Variants in NCOR2 observed in about 807,000 individuals in gnomAD.
NCOR2 encodes CTG repeat protein 26.
Under a neutral mutation model 262.9 loss-of-function variants are expected in NCOR2, and 81 were observed. That is an observed-to-expected ratio of 0.31 (90% CI 0.26 to 0.37). NCOR2 has a LOEUF of 0.37. Ranked by LOEUF, NCOR2 falls within the 10% of genes least tolerant of loss-of-function variation. The pLI is 1.00. For missense variants in NCOR2, 3,385 were observed against 3,621.4 expected (o/e 0.93, Z 1.68); for synonymous variants, 1,659 against 1,559.3 (o/e 1.06, Z -1.51).
In NCOR2 at chr12:124,419,111, C is replaced by G. The variant is rs116391487; in HGVS notation, c.1482+846G>C. Among the ~76,000 whole-genome samples, 413 of 152,194 alleles carry G rather than the reference C, an allele frequency of 2.7e-3. 2 individuals carry two copies. Among genetic ancestry groups the G allele is most frequent in the African/African-American group, 9.5e-3 (394 of 41,426 alleles). On this transcript the variant is annotated intron_variant, in intron 13 of 46. Coordinates refer to ENST00000405201, the Ensembl canonical transcript of NCOR2. Reference sequence around the variant, plus strand: ...AGCCCGGATGCAAAACAAATTCTCCCAAACACCGAGCGCCCAGGATCCCCC... The same window carrying G: ...AGCCCGGATGCAAAACAAATTCTCCGAAACACCGAGCGCCCAGGATCCCCC...
intron 3 of NCOR2, among the ~76,000 whole-genome samples, chr12:124,479,454 T>TACACACAC (rs144568176): frequency 1.0e-4 from 15 of 143,390 alleles, no homozygotes; most frequent in East Asian, 2.1e-4. Context: ...CACACACGCA[T>TACACACAC]ACACACACAC....
intron 13 of NCOR2, among the ~76,000 whole-genome samples, chr12:124,411,815 C>T (rs2042601567): frequency 6.6e-6 from 1 of 152,326 alleles, no homozygotes; most frequent in East Asian, 1.9e-4. Context: ...CTCAACCCAG[C>T]CTCCAGGCTC....
In NCOR2 at chr12:124,483,837, C is replaced by T. The variant is rs541734537; in HGVS notation, c.234-64G>A. The stretch of plus-strand genomic sequence containing the variant: ...GCGGCTCTGAGAACTCCCGAGGCCC[C>T]GACCACCCTCTGCGCCGAGCATCTA... On this transcript the variant is annotated intron_variant, in intron 2 of 46. Transcript: ENST00000405201. This position sits in a 1 kb window ranked among gnomAD's most constrained non-coding sequence, Gnocchi z 6.3. 1.1e-3 allele frequency: 1,559 copies of T among 1,459,512 alleles called. 11 individuals are homozygous for T. The African/African-American group carries it at 0.013, about 12-fold the overall frequency. 90.4% of individuals were successfully genotyped at this position (1,459,512 alleles called of 1,614,324 possible).
intron 13 of NCOR2, among the ~76,000 whole-genome samples, chr12:124,409,778 A>C (rs11836068): frequency 6.6e-6 from 1 of 152,158 alleles, no homozygotes; most frequent in African/African-American, 2.4e-5. Context: ...TCTGGGCTCA[A>C]GCAGTGCTTC....
At chr12:124,417,957 A>C (rs937158304) in intron 13 of NCOR2, among the ~76,000 whole-genome samples, 2 of 150,646 alleles carry the variant, frequency 1.3e-5, no homozygotes, top group Admixed American at 1.3e-4. Flanking sequence ...CCTACTTGGG[A>C]GGCTGAGGCA....
intron 13 of NCOR2, among the ~76,000 whole-genome samples, chr12:124,418,480 G>A (rs1203661681): frequency 1.2e-3 from 3 of 2,412 alleles, no homozygotes; most frequent in Admixed American, 0.014. Context: ...AGGGAAGGCG[G>A]GGCAGCTCTG....
intron 16 of NCOR2, among the ~76,000 whole-genome samples, chr12:124,391,037 C>T (rs186870741): frequency 6.6e-6 from 1 of 152,362 alleles, no homozygotes; most frequent in Non-Finnish European, 1.5e-5. Context: ...TCCGCGGGCC[C>T]ATGACGAGCT....
rs1255745081 is a variant in NCOR2, at chr12:124,457,686, T to G, written c.706-524A>C. Among the ~76,000 whole-genome samples, 1 of 151,356 alleles carries G rather than the reference T, an allele frequency of 6.6e-6. No homozygotes were observed. The highest frequency in any genetic ancestry group is 1.5e-5 in the Non-Finnish European group (1 of 67,800). ...CACAATCATGTGATTATTTCTGGGC[T>G]GCCCCGGGGCCTCCCCGCCTCCTCC... is the stretch of plus-strand genomic sequence containing the variant. On this transcript the variant is annotated intron_variant, in intron 5 of 46. Transcript: ENST00000405201. The surrounding 1 kb of genome is among the most constrained non-coding windows in gnomAD (Gnocchi z 4.0).
At position 124,429,802 on chromosome 12, in the gene NCOR2, G is replaced by C. The variant is rs922434070; in HGVS notation, c.1056-96C>G. 3.3e-6 allele frequency: 4 copies of C among 1,201,728 alleles called. No homozygotes were observed. The African/African-American group carries it at 6.2e-5, about 19-fold the overall frequency. 74.4% of individuals were successfully genotyped at this position (1,201,728 alleles called of 1,614,324 possible). A position where few individuals can be genotyped will look rare whatever the true frequency, so the allele number is the denominator to read the frequency against. On this transcript the variant is annotated intron_variant, in intron 9 of 46. Transcript: ENST00000405201. ...CAGCCCTGAGCCCACGCCCTCCCCAGAGGAGAAGTGTGGGCAGCGGCCAGC... is the reference window on the plus strand; with the variant it reads ...CAGCCCTGAGCCCACGCCCTCCCCACAGGAGAAGTGTGGGCAGCGGCCAGC...
exon 38 of NCOR2, chr12:124,336,839 G>C (rs757979246): frequency 4.3e-6 from 7 of 1,612,430 alleles, no homozygotes; most frequent in Non-Finnish European, 5.9e-6. Flanking sequence ...GGCAGGTGGC[G>C]CCGGCGGGTC....
At chr12:124,354,914 G>A (rs766879930) in exon 25 of NCOR2, 3 of 1,612,432 alleles carry the variant, frequency 1.9e-6, no homozygotes, top group African/African-American at 1.3e-5. Context: ...CTCTGAGTAC[G>A]GGACGTGGAG....
chr12:124,363,770 G>T, exon 21 of NCOR2: 1 of 1,384,974 alleles, frequency 7.2e-7, no homozygotes, highest in Non-Finnish European at 9.4e-7. Context: ...GCCAGTCGGG[G>T]TGAGGAGGCT....
Position 124,333,823 on chromosome 12 carries a change from GGGGTGTGC to G in NCOR2, c.6606-552_6606-545del, listed in dbSNP as rs1016731053. On this transcript the variant is annotated intron_variant, in intron 41 of 46. Coordinates refer to ENST00000405201, the Ensembl canonical transcript of NCOR2. ...GCATGTGCATGTGCCTGTGTCTACA[GGGGTGTGC>G]GGGTGCGCCTGTGTGCGGGTGTGCA... 3.1e-3 allele frequency among the ~76,000 whole-genome samples: 454 copies of G among 147,656 alleles called. 2 individuals are homozygous for G. The highest frequency in any genetic ancestry group is 0.01 in the African/African-American group (428 of 41,096).
At chr12:124,400,726 A>G in intron 14 of NCOR2, 53 bp from the exon 17 acceptor site, 1 of 1,597,100 alleles carries the variant, frequency 6.3e-7, no homozygotes, top group Non-Finnish European at 8.6e-7. Context: ...GGGAAATCAA[A>G]CAGCCACTGG....
chr12:124,354,030 A>G lies in NCOR2; in HGVS notation c.3693+63T>C, dbSNP rs142891463. 108 of 1,440,758 alleles carry G rather than the reference A, an allele frequency of 7.5e-5. 1 individual carries two copies. In the East Asian group the frequency reaches 2.6e-3, roughly 35 times the overall value. 89.2% of individuals were successfully genotyped at this position (1,440,758 alleles called of 1,614,324 possible). A position where few individuals can be genotyped will look rare whatever the true frequency, so the allele number is the denominator to read the frequency against. On this transcript the variant is annotated intron_variant, in intron 27 of 46. Coordinates refer to ENST00000405201, the Ensembl canonical transcript of NCOR2. ...AATGGTTTGGTGACAATGAGGGGTT[A>G]TAAGATGGGCTGGCCCCGTGCTGGT... is the stretch of plus-strand genomic sequence containing the variant.
At chr12:124,342,469 A>C (rs1487697847) in intron 33 of NCOR2, among the ~76,000 whole-genome samples, 1 of 152,054 alleles carries the variant, frequency 6.6e-6, no homozygotes, top group Non-Finnish European at 1.5e-5. Context: ...TCCCGGGTTC[A>C]CGCCATTCTC....
At chr12:124,374,066 G>C (rs1010956217) in intron 19 of NCOR2, among the ~76,000 whole-genome samples, 1 of 152,168 alleles carries the variant, frequency 6.6e-6, no homozygotes, top group Admixed American at 6.5e-5. Flanking sequence ...ACCCACACCC[G>C]GCTCTTCTTT....
chr12:124,373,468 C>T lies in NCOR2; in HGVS notation c.2219-858G>A, dbSNP rs1794964. ...CAGTGGGCAGTGAGGCCAGTGCGTG[C>T]GCAGGGGCCCCGGGCACAGTGGACA... On this transcript the variant is annotated intron_variant, in intron 19 of 46. Coordinates refer to ENST00000405201, the Ensembl canonical transcript of NCOR2. 4.4e-3 allele frequency among the ~76,000 whole-genome samples: 386 copies of T among 88,288 alleles called. 12 individuals are homozygous for T. In the East Asian group the frequency reaches 0.062, roughly 14 times the overall value. The allele number at this position is 88,288 out of a possible 152,430, so 57.9% of individuals were successfully genotyped here. A position where few individuals can be genotyped will look rare whatever the true frequency, so the allele number is the denominator to read the frequency against.
chr12:124,385,763 C>T, exon 17 of NCOR2: 1 of 1,613,866 alleles, frequency 6.2e-7, no homozygotes, highest in Non-Finnish European at 8.5e-7. Flanking sequence ...GCTTGTGCTG[C>T]TGCAAGATCT....
Sources: allele counts gnomAD v4.1 joint callset (sites outside exome capture counted in the v4.1 genomes callset), GRCh38; gene constraint gnomAD v4.1.1; non-coding constraint Gnocchi (gnomAD v3.1); transcripts MANE v1.5; gene names NCBI Gene and HGNC (gene_info 2026-07-23, HGNC 2026-07-21).